Variants in RARS2 observed in about 807,000 individuals in gnomAD.
RARS2 encodes the protein arginyl-tRNA synthetase 2, mitochondrial.
RARS2 carries 67 observed loss-of-function variants against 88.5 expected under a neutral mutation model. The observed-to-expected ratio is 0.76, with a 90% CI of 0.62 to 0.93. RARS2 has a LOEUF of 0.93. Among genes scored for constraint, RARS2 ranks in the 40% least tolerant of loss-of-function variants. RARS2 has a pLI of 0.00. For missense variants in RARS2, 664 were observed against 684.2 expected, an observed-to-expected ratio of 0.97 and a Z score of 0.33; for synonymous variants, 239 against 230.3, an observed-to-expected ratio of 1.04 and a Z score of -0.34.
chr6:87,569,495 T>C lies in RARS2; in HGVS notation c.110+22A>G, dbSNP rs779182784. On this transcript the variant is annotated intron_variant, in intron 2 of 19. Coordinates refer to ENST00000369536, the MANE Select transcript of RARS2 (RefSeq NM_020320.5). The stretch of plus-strand genomic sequence containing the variant: ...AAAGTCAGCAACATTTTATAGATTG[T>C]TACAAGTGTATTATACTTAACTCTT... 2.6e-6 allele frequency: 4 copies of C among 1,542,664 alleles called. No individual in the cohort carries two copies. The South Asian group carries it at 4.5e-5, about 17-fold the overall frequency.
chr6:87,526,912 C>A (rs1302645502), intron 10 of RARS2, among the ~76,000 whole-genome samples: 1 of 151,852 alleles, frequency 6.6e-6, no homozygotes, highest in South Asian at 2.1e-4. Flanking sequence ...CTCAGGTGAT[C>A]CGCCCACCTC....
chr6:87,566,773 G>A (rs1257383420), intron 2 of RARS2, among the ~76,000 whole-genome samples: 1 of 148,740 alleles, frequency 6.7e-6, no homozygotes, highest in Non-Finnish European at 1.5e-5. Context: ...TTGAGCCTGG[G>A]AGCTTAAGGC....
chr6:87,556,551 C>T (rs1582655154), intron 4 of RARS2, among the ~76,000 whole-genome samples: 2 of 151,956 alleles, frequency 1.3e-5, no homozygotes, highest in East Asian at 3.9e-4. Context: ...CTTTGGGAGG[C>T]TGAGGCAGGT....
At chr6:87,556,256 T>C (rs1582652189) in intron 4 of RARS2, among the ~76,000 whole-genome samples, 1 of 152,194 alleles carries the variant, frequency 6.6e-6, no homozygotes, top group African/African-American at 2.4e-5. Context: ...TGATGAACTT[T>C]TGTTTACTCA....
chr6:87,559,962 A>AATTG (rs1787331713), intron 4 of RARS2, among the ~76,000 whole-genome samples: 2 of 152,214 alleles, frequency 1.3e-5, no homozygotes, highest in African/African-American at 4.8e-5. Flanking sequence ...GCACAAATAC[A>AATTG]GTATTTGGTA....
At chr6:87,537,872 AC>A (rs1779687120) in intron 8 of RARS2, among the ~76,000 whole-genome samples, 1 of 152,154 alleles carries the variant, frequency 6.6e-6, no homozygotes, top group Admixed American at 6.5e-5. Context: ...CTTTCTGGTG[AC>A]CAGAAATAAC....
chr6:87,566,721 T>C (rs1767967752), intron 2 of RARS2, among the ~76,000 whole-genome samples: 1 of 151,742 alleles, frequency 6.6e-6, no homozygotes, highest in Admixed American at 6.6e-5. Context: ...TGGCCCATGC[T>C]TCTGGTCCCA....
intron 1 of RARS2, among the ~76,000 whole-genome samples, chr6:87,586,294 G>A (rs945442146): frequency 6.6e-6 from 1 of 152,084 alleles, no homozygotes; most frequent in Non-Finnish European, 1.5e-5. Context: ...CTGAAGAAAG[G>A]AATCCAAATA....
chr6:87,528,306 T>C (rs67371470), intron 10 of RARS2, among the ~76,000 whole-genome samples: 16,687 of 150,172 alleles, frequency 0.11, 971 homozygotes, highest in East Asian at 0.16. Flanking sequence ...CCTTGTACAC[T>C]GTTGGTGGGA....
chr6:87,516,828 C>T lies in RARS2; in HGVS notation c.1564G>A (p.Val522Ile), dbSNP rs201386427. The T allele has an allele frequency of 3.3e-5, 53 of 1,613,538 alleles. No individual in the cohort carries two copies. The highest frequency in any genetic ancestry group is 1.3e-4 in the East Asian group (6 of 44,876). Residue 522 changes from valine to isoleucine, a missense_variant, in exon 18 of 20, where the codon GTC becomes ATC. By Grantham distance (29) the Val-to-Ile change is conservative. Coordinates refer to ENST00000369536, the MANE Select transcript of RARS2 (RefSeq NM_020320.5). ...SSQDFQPRHI[V>I]SYLLTLSHLA... ...TACCTTAAAGTTAGAAGGTAACTGA[C>T]GATATGCCTGGGTTGAAAGTCCTGA...
intron 12 of RARS2, 91 bp from the exon 13 acceptor site, chr6:87,520,347 G>A: frequency 9.5e-7 from 1 of 1,052,022 alleles, no homozygotes; most frequent in Non-Finnish European, 1.4e-6. Flanking sequence ...GATATTTGAG[G>A]TCTGACAGAC....
intron 1 of RARS2, 106 bp from the exon 2 acceptor site, chr6:87,569,696 A>T (rs113170985): frequency 1.2e-6 from 1 of 852,712 alleles, no homozygotes; most frequent in African/African-American, 1.7e-5. Flanking sequence ...AACACGAATG[A>T]GCTCCAAATG....
chr6:87,544,456 A>G (rs140970505), intron 7 of RARS2, among the ~76,000 whole-genome samples: 15 of 152,376 alleles, frequency 9.8e-5, no homozygotes, highest in African/African-American at 2.9e-4. Flanking sequence ...AAATAAGAAC[A>G]TAAGACAGGA....
chr6:87,562,573 T>C, intron 4 of RARS2, 129 bp downstream of exon 4: 1 of 715,550 alleles, frequency 1.4e-6, no homozygotes. Flanking sequence ...ACTCTCCAAG[T>C]TATGGATCAG....
In RARS2 at chr6:87,575,274, CA is replaced by C. The variant is rs1163029155; in HGVS notation, c.37-5685del. On this transcript the variant is annotated intron_variant, in intron 1 of 19. Coordinates refer to ENST00000369536, the MANE Select transcript of RARS2 (RefSeq NM_020320.5). Reference sequence around the variant, plus strand: ...ACACACACACACACACACACACACACACACCTTGGCTTCTTCAAAAGCAGGG... The same window carrying C: ...ACACACACACACACACACACACACACCACCTTGGCTTCTTCAAAAGCAGGG... 1.5e-3 allele frequency among the ~76,000 whole-genome samples: 225 copies of C among 145,994 alleles called. 2 individuals are homozygous for C. Among genetic ancestry groups the C allele is most frequent in the Middle Eastern group, 0.014 (4 of 288 alleles).
chr6:87,527,702 GAA>G, intron 10 of RARS2, among the ~76,000 whole-genome samples: 1 of 151,722 alleles, frequency 6.6e-6, no homozygotes, highest in South Asian at 2.1e-4. Flanking sequence ...CAACTCAATG[GAA>G]AAACAACAAC....
intron 1 of RARS2, among the ~76,000 whole-genome samples, chr6:87,573,611 T>C (rs1372419743): frequency 1.3e-5 from 2 of 152,318 alleles, no homozygotes; most frequent in East Asian, 3.8e-4. Context: ...AATGTAAATG[T>C]ACCTAATGCC....
At chr6:87,576,955 G>A (rs1197474696) in intron 1 of RARS2, among the ~76,000 whole-genome samples, 1 of 152,170 alleles carries the variant, frequency 6.6e-6, no homozygotes, top group Non-Finnish European at 1.5e-5. Context: ...ATTTAACGGT[G>A]ATATTATATA....
At chr6:87,581,014 C>T (rs1773322065) in intron 1 of RARS2, among the ~76,000 whole-genome samples, 1 of 152,080 alleles carries the variant, frequency 6.6e-6, no homozygotes, top group Admixed American at 6.5e-5. Context: ...TAGGAAAGCA[C>T]ATCAATCAAT....
Sources: allele counts gnomAD v4.1 joint callset (sites outside exome capture counted in the v4.1 genomes callset), GRCh38; gene constraint gnomAD v4.1.1; transcripts MANE v1.5; gene names NCBI Gene and HGNC (gene_info 2026-07-23, HGNC 2026-07-21).